BICC1: variants seen among roughly 807,000 people sequenced by gnomAD.
The protein encoded by BICC1 is BicC family RNA binding protein 1, also known as protein bicaudal C homolog 1.
A neutral mutation model predicts 111.0 loss-of-function variants in BICC1; 43 were observed. That is an observed-to-expected ratio of 0.39 (90% CI 0.30 to 0.50). The LOEUF (loss-of-function observed/expected upper bound fraction) is 0.50. BICC1 is among the 20% of genes least tolerant of loss of function. The pLI, the probability that BICC1 is intolerant of heterozygous loss-of-function variation, is 0.88. For synonymous variants in BICC1, 467 were observed against 434.4 expected (o/e 1.07, Z -0.93); for missense variants, 1,091 against 1,203.2 (o/e 0.91, Z 1.38).
At chr10:58,514,748 G>A (rs1260134911) in intron 1 of BICC1, among the ~76,000 whole-genome samples, 1 of 152,056 alleles carries the variant, frequency 6.6e-6, no homozygotes, top group African/African-American at 2.4e-5. Flanking sequence ...AAGTAAGACC[G>A]TTATAAGATA....
chr10:58,667,528 A>G (rs970194604), intron 2 of BICC1, among the ~76,000 whole-genome samples: 1 of 149,284 alleles, frequency 6.7e-6, no homozygotes, highest in African/African-American at 2.5e-5. Context: ...TGGTGTTACC[A>G]ATACCAAAAC....
intron 2 of BICC1, among the ~76,000 whole-genome samples, chr10:58,663,315 C>T (rs1371156255): frequency 1.3e-5 from 2 of 152,180 alleles, no homozygotes; most frequent in African/African-American, 4.8e-5. Context: ...GATCCACCCA[C>T]CTCGGCCTCC....
intron 2 of BICC1, among the ~76,000 whole-genome samples, chr10:58,662,475 G>A (rs766720507): frequency 6.6e-5 from 10 of 152,186 alleles, no homozygotes; most frequent in Admixed American, 1.3e-4. Context: ...CCAGAAGTCA[G>A]CTAAGTCTCC....
intron 1 of BICC1, among the ~76,000 whole-genome samples, chr10:58,563,272 G>C (rs550809617): frequency 6.6e-6 from 1 of 152,120 alleles, no homozygotes; most frequent in Non-Finnish European, 1.5e-5. Context: ...GGTTGCGGGG[G>C]AGACCCAGCA....
chr10:58,685,904 A>G (rs184640025), intron 2 of BICC1, among the ~76,000 whole-genome samples: 1 of 152,182 alleles, frequency 6.6e-6, no homozygotes, highest in Admixed American at 6.6e-5. Flanking sequence ...TGATCCTGTT[A>G]TTATGATGTT....
chr10:58,807,262 T>G, intron 17 of BICC1, 104 bp downstream of exon 17: 14 of 1,056,922 alleles, frequency 1.3e-5, no homozygotes, highest in Non-Finnish European at 1.9e-5. Context: ...GGAAAATGAT[T>G]AGTGGTGACT....
At position 58,579,987 on chromosome 10, in the gene BICC1, G is replaced by A. The variant is rs1220590267; in HGVS notation, c.191-40868G>A. 3.4e-5 allele frequency among the ~76,000 whole-genome samples: 5 copies of A among 145,004 alleles called. No homozygotes were observed. In the East Asian group the frequency reaches 1.0e-3, roughly 29 times the overall value. On this transcript the variant is annotated intron_variant, in intron 1 of 20. Coordinates refer to ENST00000373886, the MANE Select transcript of BICC1 (RefSeq NM_001080512.3). ...TTGCCCTAAATTTTTTTTTTTTATT[G>A]TGTTTAAGAACACTTAACAAGAAAG...
chr10:58,649,311 A>G (rs906586292), intron 2 of BICC1, among the ~76,000 whole-genome samples: 2 of 152,162 alleles, frequency 1.3e-5, no homozygotes, highest in Non-Finnish European at 2.9e-5. Flanking sequence ...TGAAGAGAGA[A>G]TTGGGGAGAA....
chr10:58,670,567 A>G (rs1303891177), intron 2 of BICC1, among the ~76,000 whole-genome samples: 1 of 152,194 alleles, frequency 6.6e-6, no homozygotes, highest in African/African-American at 2.4e-5. Flanking sequence ...GGAGTCAGGG[A>G]CAGGCAGTGG....
At chr10:58,655,266 C>T (rs1213309660) in intron 2 of BICC1, among the ~76,000 whole-genome samples, 1 of 141,298 alleles carries the variant, frequency 7.1e-6, no homozygotes, top group Non-Finnish European at 1.6e-5. Flanking sequence ...CTGTAAATTA[C>T]CTTGGGCAGT....
Position 58,814,201 on chromosome 10 carries a change from A to G in BICC1, c.2533+215A>G, listed in dbSNP as rs2132942661. ...ATTTTGTGCGTGCTTTCACTCTAGC[A>G]CTTGCCATACCAAAGGGCAATTATT... is the stretch of plus-strand genomic sequence containing the variant. On this transcript the variant is annotated intron_variant, in intron 18 of 20. Coordinates refer to ENST00000373886, the MANE Select transcript of BICC1 (RefSeq NM_001080512.3). 3 of 639,920 alleles carry G rather than the reference A, an allele frequency of 4.7e-6. No individual in the cohort carries two copies. The South Asian group carries it at 5.7e-5, about 12-fold the overall frequency. 39.6% of individuals were successfully genotyped at this position (639,920 alleles called of 1,614,324 possible). A position where few individuals can be genotyped will look rare whatever the true frequency, so the allele number is the denominator to read the frequency against.
Position 58,789,383 on chromosome 10 carries a change from T to G in BICC1, c.722T>G (p.Phe241Cys). Reference protein sequence around the residue: ...ISQTYNISVSFKQRSRMYGAT... With the variant: ...ISQTYNISVSCKQRSRMYGAT... The stretch of plus-strand genomic sequence containing the variant: ...CAAACGTACAATATTTCAGTATCAT[T>G]TAAACAGCGTTCCCGAATGTATGGT... The change falls in exon 7 of 21, where the codon TTT becomes TGT. Residue 241 changes from phenylalanine (F) to cysteine (C), a missense_variant. Coordinates refer to ENST00000373886, the MANE Select transcript of BICC1 (RefSeq NM_001080512.3). The G allele has an allele frequency of 1.2e-6, 2 of 1,614,100 alleles. No homozygotes were observed. The highest frequency in any genetic ancestry group is 1.7e-6 in the Non-Finnish European group (2 of 1,179,992).
intron 3 of BICC1, among the ~76,000 whole-genome samples, chr10:58,725,864 T>C (rs1841088039): frequency 1.3e-5 from 2 of 152,210 alleles, no homozygotes; most frequent in Admixed American, 1.3e-4. Context: ...TGAAGTAAGT[T>C]CTTAAAAAAT....
At position 58,793,467 on chromosome 10, in the gene BICC1, A is replaced by G. The variant is rs576352353; in HGVS notation, c.1048-17A>G. The G allele has an allele frequency of 2.0e-5, 32 of 1,605,482 alleles. No individual in the cohort carries two copies. Among genetic ancestry groups the G allele is most frequent in the African/African-American group, 8.0e-5 (6 of 74,824 alleles). On this transcript the variant is annotated splice_polypyrimidine_tract_variant and intron_variant, in intron 8 of 20. Coordinates refer to ENST00000373886, the MANE Select transcript of BICC1 (RefSeq NM_001080512.3). ...TAAATTTTTACCTCCTACACATTCT[A>G]TTGTGACATTTTCTAGGGTTGTCTT... is the stretch of plus-strand genomic sequence containing the variant.
chr10:58,570,737 T>G (rs1267698382), intron 1 of BICC1, among the ~76,000 whole-genome samples: 1 of 152,180 alleles, frequency 6.6e-6, no homozygotes, highest in Non-Finnish European at 1.5e-5. Flanking sequence ...AGGGAAGTTA[T>G]GTGCAAATAG....
intron 1 of BICC1, among the ~76,000 whole-genome samples, chr10:58,614,069 CTT>C (rs1049968765): frequency 2.0e-5 from 3 of 152,078 alleles, no homozygotes; most frequent in Non-Finnish European, 4.4e-5. Context: ...CTTGGAAAGA[CTT>C]TATATTTTGA....
chr10:58,616,527 G>T (rs1247425048), intron 1 of BICC1, among the ~76,000 whole-genome samples: 1 of 152,116 alleles, frequency 6.6e-6, no homozygotes, highest in East Asian at 1.9e-4. Flanking sequence ...GAGGGAACTG[G>T]CTGAGGTTCG....
At chr10:58,672,907 TTAAATGTTGAGAAGCTA>T (rs1003928173) in intron 2 of BICC1, among the ~76,000 whole-genome samples, 5 of 152,190 alleles carry the variant, frequency 3.3e-5, no homozygotes, top group African/African-American at 1.2e-4. Flanking sequence ...TGGATCCTCT[TTAAATGTTGAGAAGCTA>T]AAGATTCACC....
chr10:58,797,320 A>T (rs1843387734), intron 10 of BICC1, among the ~76,000 whole-genome samples: 1 of 152,210 alleles, frequency 6.6e-6, no homozygotes, highest in African/African-American at 2.4e-5. Context: ...TACTCTCAGC[A>T]GTCTTTAAAA....
Sources: allele counts gnomAD v4.1 joint callset (sites outside exome capture counted in the v4.1 genomes callset), GRCh38; gene constraint gnomAD v4.1.1; transcripts MANE v1.5; gene names NCBI Gene and HGNC (gene_info 2026-07-23, HGNC 2026-07-21).